The following SOX5 variants were observed in gnomAD, a reference collection of about 807,000 sequenced individuals.
The protein encoded by SOX5 is SRY-box transcription factor 5.
SOX5 carries 9 observed loss-of-function variants against 92.0 expected under a neutral mutation model. That is an observed-to-expected ratio of 0.10 (90% confidence interval 0.06 to 0.17). The LOEUF is 0.17. SOX5 is among the 10% of genes least tolerant of loss of function. The pLI is 1.00. For missense variants in SOX5, 642 were observed against 944.5 expected (o/e 0.68, Z 4.20); for synonymous variants, 344 against 336.3 (o/e 1.02, Z -0.25).
intron 12 of SOX5, among the ~76,000 whole-genome samples, chr12:23,543,783 A>T (rs1236984902): frequency 2.0e-5 from 3 of 152,208 alleles, no homozygotes; most frequent in Non-Finnish European, 2.9e-5. Flanking sequence ...AGAATGGATG[A>T]TTATAGGGGA....
At chr12:23,737,553 T>C (rs376740536) in intron 5 of SOX5, among the ~76,000 whole-genome samples, 2 of 151,986 alleles carry the variant, frequency 1.3e-5, no homozygotes, top group African/African-American at 2.4e-5. Flanking sequence ...CATATACATA[T>C]ATATATGTAT....
chr12:24,059,982 G>A (rs73275412), intron 4 of SOX5, among the ~76,000 whole-genome samples: 1 of 152,188 alleles, frequency 6.6e-6, no homozygotes, highest in African/African-American at 2.4e-5. Context: ...GAATGGAATT[G>A]TCTATGCTGA....
intron 6 of SOX5, among the ~76,000 whole-genome samples, chr12:23,722,773 C>CA (rs1398353367): frequency 6.6e-6 from 1 of 152,136 alleles, no homozygotes; most frequent in South Asian, 2.1e-4. Context: ...CGGCTCTGGT[C>CA]TTTTCTTTTC....
chr12:23,856,486 T>G (rs1478690799), intron 2 of SOX5, among the ~76,000 whole-genome samples: 1 of 152,102 alleles, frequency 6.6e-6, no homozygotes, highest in Non-Finnish European at 1.5e-5. Context: ...TGAAAAATGT[T>G]ATTGCTATTT....
chr12:23,815,982 A>G (rs1049731052), intron 3 of SOX5, among the ~76,000 whole-genome samples: 2 of 152,206 alleles, frequency 1.3e-5, no homozygotes, highest in Non-Finnish European at 2.9e-5. Context: ...GTGTTCCAAT[A>G]AAACTTTATT....
At chr12:24,519,487 G>GA (rs1443731345) in intron 1 of SOX5, among the ~76,000 whole-genome samples, 6 of 150,642 alleles carry the variant, frequency 4.0e-5, no homozygotes, top group Middle Eastern at 3.4e-3. Flanking sequence ...ATAGATTTGA[G>GA]AAAAAAAAAC....
At chr12:23,742,534 T>C (rs1031397577) in intron 4 of SOX5, among the ~76,000 whole-genome samples, 11 of 152,162 alleles carry the variant, frequency 7.2e-5, no homozygotes, top group African/African-American at 2.7e-4. Context: ...CTTGGGAAGA[T>C]TTTCTTAATG....
intron 1 of SOX5, among the ~76,000 whole-genome samples, chr12:23,945,614 T>C (rs1212210598): frequency 6.6e-6 from 1 of 152,268 alleles, no homozygotes; most frequent in South Asian, 2.1e-4. Flanking sequence ...TTAAAATCTA[T>C]ATTCAGTTGT....
chr12:23,993,920 TATGC>T (rs1592149562), intron 4 of SOX5, among the ~76,000 whole-genome samples: 1 of 151,156 alleles, frequency 6.6e-6, no homozygotes, highest in East Asian at 2.0e-4. Flanking sequence ...TGTATGCATG[TATGC>T]ATGTATGTGT....
intron 2 of SOX5, among the ~76,000 whole-genome samples, chr12:24,345,148 C>A (rs1051202693): frequency 3.3e-5 from 5 of 151,974 alleles, no homozygotes; most frequent in African/African-American, 4.8e-5. Flanking sequence ...GTGAAACAGG[C>A]CATAACTTTC....
At chr12:24,235,132 C>T (rs1565716542) in intron 3 of SOX5, among the ~76,000 whole-genome samples, 1 of 152,142 alleles carries the variant, frequency 6.6e-6, no homozygotes, top group Non-Finnish European at 1.5e-5. Flanking sequence ...TCGGGATGGC[C>T]CTTCATCTTT....
chr12:24,100,620 C>T (rs1001121112), intron 4 of SOX5, among the ~76,000 whole-genome samples: 1 of 152,116 alleles, frequency 6.6e-6, no homozygotes, highest in Non-Finnish European at 1.5e-5. Context: ...TTATGTGCTT[C>T]TGATGAACAA....
At chr12:23,543,410 G>T (rs1942490918) in intron 12 of SOX5, 26 bp from the exon 13 acceptor site, 2 of 1,595,616 alleles carry the variant, frequency 1.3e-6, no homozygotes, top group African/African-American at 1.3e-5. Flanking sequence ...ATCACTTCGT[G>T]TTAGCGTTAA....
chr12:24,249,319 C>T (rs1939555721), intron 3 of SOX5, among the ~76,000 whole-genome samples: 1 of 152,168 alleles, frequency 6.6e-6, no homozygotes, highest in Non-Finnish European at 1.5e-5. Flanking sequence ...GTTGCTAAGA[C>T]TTTTCCCATT....
Position 24,446,323 on chromosome 12 carries a change from A to G in SOX5, c.-250-77684T>C, listed in dbSNP as rs578243204. On this transcript the variant is annotated intron_variant, in intron 1 of 4. Transcript: ENST00000446891. ...GGTGGCAAAAAAATGCCTCCTGACA[A>G]GCTGTTATTTGAGCTAAGATCAGAA... Among the ~76,000 whole-genome samples the G allele has an allele frequency of 2.0e-5, 3 of 152,286 alleles. No individual in the cohort carries two copies. The South Asian group carries it at 6.2e-4, about 32-fold the overall frequency.
intron 1 of SOX5, among the ~76,000 whole-genome samples, chr12:24,516,804 T>A (rs746441439): frequency 4.6e-5 from 7 of 152,242 alleles, no homozygotes; most frequent in Non-Finnish European, 8.8e-5. Flanking sequence ...ATTTTCAGCA[T>A]AATTTTTGTT....
At chr12:23,924,799 C>G (rs1453797987) in intron 1 of SOX5, among the ~76,000 whole-genome samples, 1 of 151,904 alleles carries the variant, frequency 6.6e-6, no homozygotes, top group African/African-American at 2.4e-5. Context: ...CTTGACACTT[C>G]AACAAGGTCA....
At chr12:23,847,287 A>G (rs1417244549) in intron 2 of SOX5, among the ~76,000 whole-genome samples, 1 of 152,188 alleles carries the variant, frequency 6.6e-6, no homozygotes, top group African/African-American at 2.4e-5. Context: ...TACAACATTA[A>G]AAGTTCGCAT....
chr12:23,766,334 A>G lies in SOX5; in HGVS notation c.482-10610T>C, dbSNP rs116557648. On this transcript the variant is annotated intron_variant, in intron 3 of 14. Coordinates refer to ENST00000451604, the MANE Select transcript of SOX5 (RefSeq NM_006940.6). ...AGAATCAATTAGTTCAACATACAGTATATACTACATATTTTTCCAGCCATG... is the reference window on the plus strand; with the variant it reads ...AGAATCAATTAGTTCAACATACAGTGTATACTACATATTTTTCCAGCCATG... 6.2e-3 allele frequency among the ~76,000 whole-genome samples: 941 copies of G among 152,276 alleles called. 9 individuals are homozygous for G. Among genetic ancestry groups the G allele is most frequent in the African/African-American group, 0.021 (880 of 41,558 alleles).
Sources: gnomAD v4.1 joint callset for allele counts (sites outside exome capture counted in the v4.1 genomes callset) on GRCh38, gnomAD v4.1.1 for gene constraint, MANE v1.5 for transcripts, NCBI Gene and HGNC (gene_info 2026-07-23, HGNC 2026-07-21) for gene names.